VCAN: variants seen among roughly 807,000 people sequenced by gnomAD.
The protein encoded by VCAN is versican.
In VCAN, 44 loss-of-function variants were observed where a neutral mutation model predicts 245.5. That is an observed-to-expected ratio of 0.18 (90% CI 0.14 to 0.23). The LOEUF is 0.23. Ranked by LOEUF, VCAN falls within the 10% of genes least tolerant of loss-of-function variation. VCAN has a pLI of 1.00. For missense variants in VCAN, 3,793 were observed against 4,057.9 expected, an observed-to-expected ratio of 0.93 and a Z score of 1.77; for synonymous variants, 1,413 against 1,437.0, an observed-to-expected ratio of 0.98 and a Z score of 0.38.
intron 10 of VCAN, 39 bp downstream of exon 10, chr5:83,548,123 G>A: frequency 6.4e-7 from 1 of 1,550,692 alleles, no homozygotes; most frequent in East Asian, 2.3e-5. Flanking sequence ...GAACATTATT[G>A]ATTTTTTTTT....
intron 5 of VCAN, among the ~76,000 whole-genome samples, chr5:83,505,463 T>A (rs1016034416): frequency 6.6e-6 from 1 of 152,072 alleles, no homozygotes; most frequent in Non-Finnish European, 1.5e-5. Flanking sequence ...TCCAAAATGA[T>A]CTCCTTTGAC....
intron 6 of VCAN, among the ~76,000 whole-genome samples, chr5:83,518,514 T>C (rs1164379718): frequency 6.6e-6 from 1 of 152,212 alleles, no homozygotes; most frequent in African/African-American, 2.4e-5. Flanking sequence ...TTACTTCCTG[T>C]TCTACATTTG....
In VCAN at chr5:83,558,537, G is replaced by A. The variant is rs1015199247; in HGVS notation, c.9735+3499G>A. 1.1e-4 allele frequency among the ~76,000 whole-genome samples: 16 copies of A among 152,054 alleles called. No individual in the cohort carries two copies. The East Asian group carries it at 2.5e-3, about 24-fold the overall frequency. On this transcript the variant is annotated intron_variant, in intron 12 of 14. Coordinates refer to ENST00000265077, the MANE Select transcript of VCAN (RefSeq NM_004385.5). ...ACCTTAAAGTGTCTTTTGATATTTA[G>A]CCTTACAATCCAGTAAGAAGAAACA...
chr5:83,551,456 G>A lies in VCAN; in HGVS notation c.9494-1908G>A, dbSNP rs144023766. On this transcript the variant is annotated intron_variant, in intron 10 of 14. Transcript: ENST00000265077. ...GAACCCGAGAAGCAGAGGTTGCAGTGAGCCAAGATCATGCCACTGCACTCC... is the reference window on the plus strand; with the variant it reads ...GAACCCGAGAAGCAGAGGTTGCAGTAAGCCAAGATCATGCCACTGCACTCC... Among the ~76,000 whole-genome samples the A allele has an allele frequency of 9.0e-3, 1,368 of 151,876 alleles. 31 individuals carry two copies. Among genetic ancestry groups the A allele is most frequent in the African/African-American group, 0.032 (1,311 of 41,404 alleles).
chr5:83,519,188 G>A (rs1298969601), intron 6 of VCAN, among the ~76,000 whole-genome samples, 161 bp from the exon 7 acceptor site: 1 of 152,062 alleles, frequency 6.6e-6, no homozygotes, highest in Non-Finnish European at 1.5e-5. Flanking sequence ...CTGTCCTTGG[G>A]TTAATTCAAG....
chr5:83,546,818 A>G (rs1323799238), intron 9 of VCAN, among the ~76,000 whole-genome samples: 2 of 152,204 alleles, frequency 1.3e-5, no homozygotes, highest in East Asian at 1.9e-4. Flanking sequence ...AGGTAAGAAT[A>G]CATTATATGA....
At chr5:83,556,100 A>G (rs1747656172) in intron 12 of VCAN, among the ~76,000 whole-genome samples, 1 of 152,212 alleles carries the variant, frequency 6.6e-6, no homozygotes, top group Non-Finnish European at 1.5e-5. Flanking sequence ...CTGCTCCATC[A>G]TGGACACACT....
chr5:83,516,252 C>A (rs1745853467), intron 6 of VCAN, among the ~76,000 whole-genome samples: 2 of 151,964 alleles, frequency 1.3e-5, no homozygotes, highest in African/African-American at 4.8e-5. Flanking sequence ...CCACTGCACT[C>A]CAGCCTGGAC....
chr5:83,539,129 C>A lies in VCAN; in HGVS notation c.6126C>A (p.Asp2042Glu), dbSNP rs138910265. 41 of 1,613,774 alleles carry A rather than the reference C, an allele frequency of 2.5e-5. No individual in the cohort carries two copies. Among genetic ancestry groups the A allele is most frequent in the Non-Finnish European group, 3.4e-5 (40 of 1,179,978 alleles). ...CTGGTACAGCTTCCTCCATTATCGACGAAGGATTGGGAGAAGTGGGTACTG... is the reference window on the plus strand; with the variant it reads ...CTGGTACAGCTTCCTCCATTATCGAAGAAGGATTGGGAGAAGTGGGTACTG... Reference protein sequence around the residue: ...KFSGTASSIIDEGLGEVGTVN... With the variant: ...KFSGTASSIIEEGLGEVGTVN... The change falls in exon 8 of 15, where the codon GAC (aspartate) becomes GAA (glutamate). Residue 2042 changes from aspartate (D) to glutamate (E), a missense_variant. Asp to Glu is a conservative substitution (Grantham distance 45). This residue lies in a region of VCAN where 3,182 missense variants were observed against 3,250.3 expected (regional missense o/e 0.98). Transcript: ENST00000265077.
chr5:83,516,284 A>G, intron 6 of VCAN, among the ~76,000 whole-genome samples: 1 of 149,154 alleles, frequency 6.7e-6, no homozygotes, highest in Non-Finnish European at 1.5e-5. Context: ...ACTCTGTCTC[A>G]AAAAAAAAAA....
intron 12 of VCAN, among the ~76,000 whole-genome samples, chr5:83,563,148 C>T (rs1332441086): frequency 6.6e-6 from 1 of 152,184 alleles, no homozygotes; most frequent in Admixed American, 6.5e-5. Context: ...TCCTTTAAAA[C>T]AAAGCTGCTC....
intron 6 of VCAN, 40 bp from the exon 7 acceptor site, chr5:83,519,308 TA>T (rs1184285647): frequency 6.2e-7 from 1 of 1,606,448 alleles, no homozygotes; most frequent in African/African-American, 1.3e-5. Context: ...AAGTTTTTAT[TA>T]GTGACTTGTC....
intron 6 of VCAN, among the ~76,000 whole-genome samples, chr5:83,518,111 A>G (rs1745927868): frequency 6.6e-6 from 1 of 152,196 alleles, no homozygotes; most frequent in Non-Finnish European, 1.5e-5. Flanking sequence ...GCAAACAAGC[A>G]TTTACTCATA....
intron 1 of VCAN, among the ~76,000 whole-genome samples, chr5:83,474,294 C>A (rs1349100151): frequency 6.6e-6 from 1 of 152,004 alleles, no homozygotes; most frequent in African/African-American, 2.4e-5. Flanking sequence ...GAGAAAGGAA[C>A]GGAGATGGGG....
chr5:83,508,301 A>G (rs1486185080), intron 5 of VCAN, among the ~76,000 whole-genome samples: 3 of 152,204 alleles, frequency 2.0e-5, no homozygotes, highest in Non-Finnish European at 4.4e-5. Flanking sequence ...AAGTTAATTG[A>G]GAGTCCTCTT....
intron 5 of VCAN, among the ~76,000 whole-genome samples, chr5:83,504,798 A>G (rs572187694): frequency 6.6e-6 from 1 of 152,154 alleles, no homozygotes; most frequent in Non-Finnish European, 1.5e-5. Flanking sequence ...GTCCATTTTC[A>G]TGCTGCTGAT....
At chr5:83,513,712 C>A (rs1388365709) in intron 6 of VCAN, among the ~76,000 whole-genome samples, 1 of 152,172 alleles carries the variant, frequency 6.6e-6, no homozygotes, top group Non-Finnish European at 1.5e-5. Context: ...ATAGCATAAA[C>A]CTTATCTCTA....
At chr5:83,578,048 C>T (rs529808054) in intron 13 of VCAN, among the ~76,000 whole-genome samples, 6 of 152,252 alleles carry the variant, frequency 3.9e-5, no homozygotes, top group African/African-American at 1.4e-4. Flanking sequence ...CCTTCCCTAT[C>T]ACTTTGGTCT....
In VCAN at chr5:83,572,518, C is replaced by A; in HGVS notation, c.9838C>A (p.Pro3280Thr). 1 of 1,613,820 alleles carries A rather than the reference C, an allele frequency of 6.2e-7. No homozygotes were observed. Among genetic ancestry groups the A allele is most frequent in the Non-Finnish European group, 8.5e-7 (1 of 1,179,838 alleles). ...TGAGAATGGCCAGTGGAATGATGTT[C>A]CCTGCAATTACCATCTCACCTATAC... ...WHENGQWNDV[P>T]CNYHLTYTCK... The change falls in exon 13 of 15, where the codon CCC (proline) becomes ACC (threonine). Residue 3280 changes from proline to threonine, a missense_variant. Transcript: ENST00000265077.
Sources: gnomAD v4.1 joint callset for allele counts (sites outside exome capture counted in the v4.1 genomes callset) on GRCh38, gnomAD v4.1.1 for gene constraint, gnomAD v4.1.1 regional missense constraint, MANE v1.5 for transcripts, NCBI Gene and HGNC (gene_info 2026-07-23, HGNC 2026-07-21) for gene names.